The following EXOC4 variants were observed in gnomAD, a reference collection of about 807,000 sequenced individuals.
EXOC4 encodes the protein SEC8-like 1.
A neutral mutation model predicts 107.2 loss-of-function variants in EXOC4; 71 were observed. That is an observed-to-expected ratio of 0.66 (90% CI 0.55 to 0.81). The LOEUF is 0.81. EXOC4 is among the 30% of genes least tolerant of loss of function. EXOC4 has a pLI of 0.00. For synonymous variants in EXOC4, 456 were observed against 441.2 expected, an observed-to-expected ratio of 1.03 and a Z score of -0.42; for missense variants, 1,108 against 1,189.6, an observed-to-expected ratio of 0.93 and a Z score of 1.01.
At chr7:133,777,081 A>C (rs1329295852) in intron 10 of EXOC4, among the ~76,000 whole-genome samples, 1 of 152,092 alleles carries the variant, frequency 6.6e-6, no homozygotes, top group African/African-American at 2.4e-5. Flanking sequence ...TATTTTATAA[A>C]TATATTTTGT....
Position 133,997,642 on chromosome 7 carries a change from C to T in EXOC4, c.2348+9C>T, listed in dbSNP as rs376324176. The T allele has an allele frequency of 1.9e-6, 3 of 1,611,528 alleles. No homozygotes were observed. Among genetic ancestry groups the T allele is most frequent in the Non-Finnish European group, 2.5e-6 (3 of 1,178,806 alleles). ...TTACATCTGGAAGTGAGGTATGATA[C>T]AGCCAAGCCCAGGACCTTGCAATTT... On this transcript the variant is annotated intron_variant, in intron 15 of 17. Coordinates refer to ENST00000253861, the MANE Select transcript of EXOC4 (RefSeq NM_021807.4).
intron 3 of EXOC4, among the ~76,000 whole-genome samples, chr7:133,301,570 G>C (rs1794641849): frequency 6.6e-6 from 1 of 152,116 alleles, no homozygotes; most frequent in Non-Finnish European, 1.5e-5. Context: ...TATTTGTTTT[G>C]GATTCAACAA....
At chr7:133,311,242 A>G (rs2345066) in intron 4 of EXOC4, among the ~76,000 whole-genome samples, 46,138 of 151,894 alleles carry the variant, frequency 0.3, 8,042 homozygotes, top group African/African-American at 0.48. Flanking sequence ...GGAGGTTATG[A>G]GGGGGGCATT....
intron 7 of EXOC4, among the ~76,000 whole-genome samples, chr7:133,403,710 G>C (rs186509413): frequency 6.6e-6 from 1 of 152,200 alleles, no homozygotes; most frequent in Admixed American, 6.5e-5. Flanking sequence ...CAGGAGGATT[G>C]CTTGAGCCTA....
At chr7:133,977,738 TTGTGTGTG>T (rs201003706) in intron 14 of EXOC4, among the ~76,000 whole-genome samples, 3 of 88,194 alleles carry the variant, frequency 3.4e-5, no homozygotes, top group Non-Finnish European at 6.4e-5. Context: ...TTTTGTTGTT[TTGTGTGTG>T]TGTGTGTGTG....
rs1802552497 is a variant in EXOC4, at chr7:133,630,036, T to G, written c.1418-9T>G. The G allele has an allele frequency of 6.2e-7, 1 of 1,607,660 alleles. No individual in the cohort carries two copies. On this transcript the variant is annotated splice_polypyrimidine_tract_variant and intron_variant, in intron 9 of 17. Transcript: ENST00000253861. ...GAGCTAAGTCTGTTTTTTTTCTTTC[T>G]TCTGAAAGGGGGTCCTGATGACAAC...
At chr7:133,333,396 C>T (rs904141222) in intron 5 of EXOC4, among the ~76,000 whole-genome samples, 3 of 152,082 alleles carry the variant, frequency 2.0e-5, no homozygotes, top group Non-Finnish European at 2.9e-5. Flanking sequence ...ACTTCCCCTC[C>T]CTTTGCCTTG....
chr7:134,042,866 G>A (rs920159634), intron 17 of EXOC4, among the ~76,000 whole-genome samples: 6 of 152,276 alleles, frequency 3.9e-5, no homozygotes, highest in Middle Eastern at 3.4e-3. Context: ...GCAAAACCCC[G>A]TGTGTAGTAA....
intron 9 of EXOC4, among the ~76,000 whole-genome samples, chr7:133,569,661 A>G (rs1800978222): frequency 1.3e-5 from 2 of 152,200 alleles, no homozygotes; most frequent in Admixed American, 1.3e-4. Context: ...TGTAAGACAC[A>G]CACACATAAT....
At chr7:133,640,654 A>G (rs1207854035) in intron 10 of EXOC4, among the ~76,000 whole-genome samples, 1 of 152,174 alleles carries the variant, frequency 6.6e-6, no homozygotes, top group East Asian at 1.9e-4. Context: ...ATGAATGTAG[A>G]CTGTTTCCTA....
chr7:133,913,513 T>C (rs572433066), intron 12 of EXOC4, among the ~76,000 whole-genome samples: 1 of 152,270 alleles, frequency 6.6e-6, no homozygotes, highest in Admixed American at 6.5e-5. Context: ...AAATGACAGA[T>C]TTATTAAGAT....
At chr7:133,308,750 A>G (rs1217990659) in intron 4 of EXOC4, among the ~76,000 whole-genome samples, 1 of 152,244 alleles carries the variant, frequency 6.6e-6, no homozygotes, top group Non-Finnish European at 1.5e-5. Context: ...GGAAATTTTT[A>G]TGATTTTCAA....
chr7:133,275,130 A>G lies in EXOC4; in HGVS notation c.235A>G (p.Ile79Val). 1 of 1,609,078 alleles carries G rather than the reference A, an allele frequency of 6.2e-7. No individual in the cohort carries two copies. Among genetic ancestry groups the G allele is most frequent in the Non-Finnish European group, 8.5e-7 (1 of 1,177,646 alleles). Residue 79 changes from isoleucine to valine, a missense_variant, in exon 2 of 18, where the codon ATC (isoleucine) becomes GTC (valine). Physicochemically the swap from Ile to Val is conservative, Grantham distance 29. Transcript: ENST00000253861. ...LTTAIRTYQS[I>V]TERITNSRNK... is the part of the protein sequence containing the mutation. ...GACAGCCATTCGCACATACCAGAGC[A>G]TCACAGAGCGCATCACTAACTCCCG...
At chr7:133,951,254 G>A (rs918124565) in intron 14 of EXOC4, among the ~76,000 whole-genome samples, 1 of 152,176 alleles carries the variant, frequency 6.6e-6, no homozygotes, top group Non-Finnish European at 1.5e-5. Context: ...CTATTCCTCA[G>A]CACCAGCATA....
At chr7:133,538,069 A>G (rs555258377) in intron 9 of EXOC4, among the ~76,000 whole-genome samples, 17 of 152,272 alleles carry the variant, frequency 1.1e-4, no homozygotes, top group South Asian at 6.2e-4. Flanking sequence ...AGATGAGGCA[A>G]TTGAGTTCAG....
intron 11 of EXOC4, among the ~76,000 whole-genome samples, chr7:133,874,721 A>G (rs1194730558): frequency 1.3e-5 from 2 of 152,262 alleles, no homozygotes; most frequent in Non-Finnish European, 2.9e-5. Context: ...ACAAATGTAT[A>G]TGTAGTATGC....
intron 6 of EXOC4, among the ~76,000 whole-genome samples, chr7:133,360,390 C>A (rs1394707644): frequency 6.6e-6 from 1 of 152,144 alleles, no homozygotes; most frequent in Non-Finnish European, 1.5e-5. Context: ...TGTTTAAATG[C>A]AAAGGCAAAA....
At chr7:133,373,207 CAT>C (rs1036579477) in intron 6 of EXOC4, among the ~76,000 whole-genome samples, 19 of 152,240 alleles carry the variant, frequency 1.2e-4, no homozygotes, top group Admixed American at 3.9e-4. Context: ...TGTTTAGACA[CAT>C]GTTTCTGTAT....
intron 9 of EXOC4, among the ~76,000 whole-genome samples, chr7:133,598,669 T>C (rs1801737944): frequency 1.3e-5 from 2 of 152,152 alleles, no homozygotes; most frequent in South Asian, 4.1e-4. Context: ...AACATCTGAA[T>C]TGGGTTGTAC....
Sources: allele counts gnomAD v4.1 joint callset (sites outside exome capture counted in the v4.1 genomes callset), GRCh38; gene constraint gnomAD v4.1.1; transcripts MANE v1.5; gene names NCBI Gene and HGNC (gene_info 2026-07-23, HGNC 2026-07-21).